The following SLC39A14 variants were observed in gnomAD, a reference collection of about 807,000 sequenced individuals.
SLC39A14 encodes the protein metal cation symporter ZIP14.
A neutral mutation model predicts 45.5 loss-of-function variants in SLC39A14; 19 were observed. The ratio of observed to expected loss-of-function variants is 0.42; its 90% CI spans 0.29 to 0.61. SLC39A14 has a LOEUF of 0.61. Among genes scored for constraint, SLC39A14 ranks in the 20% least tolerant of loss-of-function variants. The pLI, the probability that SLC39A14 is intolerant of heterozygous loss-of-function variation, is 0.22. For missense variants in SLC39A14, 447 were observed against 616.5 expected (o/e 0.73, Z 2.91); for synonymous variants, 264 against 251.3 (o/e 1.05, Z -0.48).
chr8:22,418,193 G>A (rs765221354), intron 8 of SLC39A14, among the ~76,000 whole-genome samples: 1 of 152,136 alleles, frequency 6.6e-6, no homozygotes, highest in Non-Finnish European at 1.5e-5. Context: ...ATGAACCACC[G>A]CACATGGCTG....
chr8:22,415,912 G>T lies in SLC39A14; in HGVS notation c.894G>T (p.Ala298=). The part of the protein sequence containing the change: ...QHCSSELDGK[A]PMVDEKVIVG... ...GCAGCAGTGAGCTGGACGGCAAGGC[G>T]CCCATGGTGGACGAGAAGGTCATTG... The change falls in exon 6 of 9, where the codon GCG becomes GCT. Residue 298 remains alanine, a synonymous_variant. Transcript: ENST00000381237. 6.2e-7 allele frequency: 1 copy of T among 1,609,064 alleles called. No homozygotes were observed.
At position 22,415,239 on chromosome 8, in the gene SLC39A14, G is replaced by C. The variant is rs146530605; in HGVS notation, c.750+337G>C. 3.5e-3 allele frequency: 923 copies of C among 265,730 alleles called. 6 individuals are homozygous for C. The highest frequency in any genetic ancestry group is 0.018 in the African/African-American group (790 of 43,700). The allele number at this position is 265,730 out of a possible 1,614,324, so 16.5% of individuals were successfully genotyped here. A position where few individuals can be genotyped will look rare whatever the true frequency, so the allele number is the denominator to read the frequency against. ...GCATTCATTCTGTATGAAGTATGAG[G>C]CTGCAGAGAAACAGGACTATTATAG... On this transcript the variant is annotated intron_variant, in intron 5 of 8. Transcript: ENST00000381237.
In SLC39A14 at chr8:22,412,217, C is replaced by T; in HGVS notation, c.627+11C>T. ...CAGCTCATCCCGGAGGTATGGCAAGCCAGGGCCTTCACCCCGGAGCATGCC... is the reference window on the plus strand; with the variant it reads ...CAGCTCATCCCGGAGGTATGGCAAGTCAGGGCCTTCACCCCGGAGCATGCC... On this transcript the variant is annotated intron_variant, in intron 4 of 8. Coordinates refer to ENST00000381237, the MANE Select transcript of SLC39A14 (RefSeq NM_001128431.4). 1 of 1,551,064 alleles carries T rather than the reference C, an allele frequency of 6.4e-7. No homozygotes were observed. The highest frequency in any genetic ancestry group is 8.7e-7 in the Non-Finnish European group (1 of 1,146,724).
chr8:22,383,584 T>C (rs1833629355), intron 1 of SLC39A14, among the ~76,000 whole-genome samples: 1 of 152,080 alleles, frequency 6.6e-6, no homozygotes, highest in Non-Finnish European at 1.5e-5. Context: ...TGGGCGCTTG[T>C]TTTCTTAGAG....
intron 2 of SLC39A14, among the ~76,000 whole-genome samples, chr8:22,407,578 T>G (rs1403020131): frequency 6.6e-6 from 1 of 151,858 alleles, no homozygotes; most frequent in Non-Finnish European, 1.5e-5. Flanking sequence ...CCAGGCTGGT[T>G]TTGAACTCCT....
chr8:22,399,891 C>T (rs1834756129), intron 1 of SLC39A14, among the ~76,000 whole-genome samples: 1 of 152,228 alleles, frequency 6.6e-6, no homozygotes, highest in Non-Finnish European at 1.5e-5. Context: ...TTTGAAGTTA[C>T]AGCGGTTAAG....
At chr8:22,428,429 G>A (rs1008220701) in intron 8 of SLC39A14, among the ~76,000 whole-genome samples, 9 of 150,024 alleles carry the variant, frequency 6.0e-5, no homozygotes, top group South Asian at 2.1e-4. Context: ...TGTGTTCCTC[G>A]GTTCATATGT....
intron 1 of SLC39A14, among the ~76,000 whole-genome samples, chr8:22,398,471 C>G (rs1007356732): frequency 6.6e-6 from 1 of 152,110 alleles, no homozygotes; most frequent in Non-Finnish European, 1.5e-5. Flanking sequence ...GCTTAGTTTT[C>G]ATGTTGTGTT....
At chr8:22,424,504 C>T (rs1468960827), downstream of SLC39A14, among the ~76,000 whole-genome samples, 1 of 152,188 alleles carries the variant, frequency 6.6e-6, no homozygotes, top group Non-Finnish European at 1.5e-5. Context: ...CACTACTACG[C>T]CATTTGCTAT....
Position 22,389,458 on chromosome 8 carries a change from G to A in SLC39A14, c.-15-15238G>A, listed in dbSNP as rs555911000. Among the ~76,000 whole-genome samples, 43 of 152,108 alleles carry A rather than the reference G, an allele frequency of 2.8e-4. 1 individual carries two copies. The highest frequency in any genetic ancestry group is 3.4e-3 in the Middle Eastern group (1 of 294). On this transcript the variant is annotated intron_variant, in intron 1 of 8. Coordinates refer to ENST00000381237, the MANE Select transcript of SLC39A14 (RefSeq NM_001128431.4). ...GGGAGGTAGTGGTACAGGAGGACCCGGGGGAGGTGGGGTAGGCTGGGGGCA... is the reference window on the plus strand; with the variant it reads ...GGGAGGTAGTGGTACAGGAGGACCCAGGGGAGGTGGGGTAGGCTGGGGGCA...
At chr8:22,410,140 G>T (rs768764548) in intron 3 of SLC39A14, 55 of 1,613,028 alleles carry the variant, frequency 3.4e-5, no homozygotes, top group Non-Finnish European at 4.2e-5. Context: ...AAACTTGCGC[G>T]TCCTCTTTCC....
chr8:22,397,395 A>G (rs964603982), intron 1 of SLC39A14, among the ~76,000 whole-genome samples: 5 of 152,098 alleles, frequency 3.3e-5, no homozygotes, highest in African/African-American at 1.2e-4. Context: ...TGGCTAACAC[A>G]GTGAAAGCCG....
At chr8:22,423,178 C>G (rs1836314872), downstream of SLC39A14, among the ~76,000 whole-genome samples, 1 of 150,380 alleles carries the variant, frequency 6.6e-6, no homozygotes, top group Non-Finnish European at 1.5e-5. Flanking sequence ...CAGTCTCACT[C>G]TGTCACCCAG....
rs1479279165 is a variant in SLC39A14, at chr8:22,417,708, A to G, written c.1205A>G (p.Asn402Ser). Residue 402 changes from asparagine to serine, a missense_variant, in exon 8 of 9, where the codon AAC becomes AGC. Asn to Ser is a conservative substitution (Grantham distance 46, BLOSUM62 1). This residue lies in a region of SLC39A14 where 105 missense variants were observed against 188.4 expected (regional missense o/e 0.56). Transcript: ENST00000381237. ...GMSIQQALFF[N>S]FLSACCCYLG... is the part of the protein sequence containing the mutation. ...AGCATCCAACAAGCTCTCTTCTTCA[A>G]CTTCCTTTCTGCCTGCTGCTGCTAC... The G allele has an allele frequency of 2.5e-6, 4 of 1,614,008 alleles. No individual in the cohort carries two copies. Among genetic ancestry groups the G allele is most frequent in the Admixed American group, 3.3e-5 (2 of 59,994 alleles).
chr8:22,404,670 G>C lies in SLC39A14; in HGVS notation c.-15-26G>C, dbSNP rs896377. 0.2 allele frequency: 325,321 copies of C among 1,590,420 alleles called. 38,048 individuals are homozygous for C. The highest frequency in any genetic ancestry group is 0.53 in the African/African-American group (39,379 of 74,448). ...TGCCGGCACACAGGGAGAGGCCTCA[G>C]CTTCACCTGCCTTTTTCTCTCACAG... On this transcript the variant is annotated intron_variant, in intron 1 of 8. Transcript: ENST00000381237.
chr8:22,401,795 C>T (rs1284008920), intron 1 of SLC39A14, among the ~76,000 whole-genome samples: 5 of 151,958 alleles, frequency 3.3e-5, no homozygotes, highest in Non-Finnish European at 7.4e-5. Flanking sequence ...CTTGGTCTCC[C>T]GAAGCGCTGG....
In SLC39A14 at chr8:22,389,003, G is replaced by T. The variant is rs185917626; in HGVS notation, c.-15-15693G>T. ...TGCCTTTCTTGCTGGCGCCCTGGTC[G>T]TGCCCTCTTGAGCAGGGACGACGCA... is the stretch of plus-strand genomic sequence containing the variant. On this transcript the variant is annotated intron_variant, in intron 1 of 8. Transcript: ENST00000381237. 1.6e-4 allele frequency among the ~76,000 whole-genome samples: 24 copies of T among 152,314 alleles called. No homozygotes were observed. The East Asian group carries it at 4.4e-3, about 28-fold the overall frequency.
chr8:22,399,407 C>T (rs536325545), intron 1 of SLC39A14, among the ~76,000 whole-genome samples: 6 of 152,350 alleles, frequency 3.9e-5, no homozygotes, highest in South Asian at 2.1e-4. Context: ...GCCAAAAGGC[C>T]GGGGTCACTT....
chr8:22,385,787 A>G (rs1381953108), intron 1 of SLC39A14, among the ~76,000 whole-genome samples: 2 of 152,258 alleles, frequency 1.3e-5, no homozygotes, highest in East Asian at 1.9e-4. Context: ...GTTTGAGGCC[A>G]GGAGTTCAGG....
Sources: allele counts gnomAD v4.1 joint callset (sites outside exome capture counted in the v4.1 genomes callset), GRCh38; gene constraint gnomAD v4.1.1; regional missense constraint gnomAD v4.1.1; transcripts MANE v1.5; gene names NCBI Gene and HGNC (gene_info 2026-07-23, HGNC 2026-07-21).